PTPRD: variants seen among roughly 807,000 people sequenced by gnomAD.
PTPRD encodes the protein protein tyrosine phosphatase receptor type D.
Under a neutral mutation model 214.5 loss-of-function variants are expected in PTPRD, and 34 were observed. That is an observed-to-expected ratio of 0.16 (90% CI 0.12 to 0.21). PTPRD has a LOEUF of 0.21. Ranked by LOEUF, PTPRD falls within the 10% of genes least tolerant of loss-of-function variation. The pLI, the probability that PTPRD is intolerant of heterozygous loss-of-function variation, is 1.00. For synonymous variants in PTPRD, 1,128 were observed against 845.7 expected (o/e 1.33, Z -5.79); for missense variants, 2,545 against 2,398.7 (o/e 1.06, Z -1.27).
chr9:8,583,449 A>G (rs1486208725), intron 14 of PTPRD, among the ~76,000 whole-genome samples: 1 of 152,238 alleles, frequency 6.6e-6, no homozygotes, highest in Non-Finnish European at 1.5e-5. Flanking sequence ...CCTCCTGAGT[A>G]GCTAGGACAA....
intron 4 of PTPRD, among the ~76,000 whole-genome samples, chr9:9,990,490 G>T (rs1346499847): frequency 1.3e-5 from 2 of 152,184 alleles, no homozygotes; most frequent in African/African-American, 4.8e-5. Context: ...TAGCACCTGG[G>T]TGTGCCCATT....
chr9:9,040,172 T>C (rs1332107563), intron 10 of PTPRD, among the ~76,000 whole-genome samples: 1 of 152,208 alleles, frequency 6.6e-6, no homozygotes, highest in Non-Finnish European at 1.5e-5. Flanking sequence ...AACTCAAGTT[T>C]ATGCTTTCAC....
chr9:9,216,799 C>T lies in PTPRD; in HGVS notation c.-202-33436G>A, dbSNP rs749203828. On this transcript the variant is annotated intron_variant, in intron 9 of 45. Coordinates refer to ENST00000381196, the MANE Select transcript of PTPRD (RefSeq NM_002839.4). ...AGGGTTATTATAGACATTGATATAA[C>T]AAAATACTTCTTTGTAAAATCTATA... is the stretch of plus-strand genomic sequence containing the variant. Among the ~76,000 whole-genome samples the T allele has an allele frequency of 1.8e-4, 28 of 151,906 alleles. No individual in the cohort carries two copies. In the Middle Eastern group the frequency reaches 0.01, roughly 55 times the overall value.
chr9:9,157,944 C>G (rs1569555917), intron 10 of PTPRD, among the ~76,000 whole-genome samples: 1 of 152,144 alleles, frequency 6.6e-6, no homozygotes, highest in Non-Finnish European at 1.5e-5. Context: ...TCAGTCAGCT[C>G]CTACTTATAA....
chr9:9,571,806 A>G (rs2086521756), intron 8 of PTPRD, among the ~76,000 whole-genome samples: 1 of 151,130 alleles, frequency 6.6e-6, no homozygotes, highest in South Asian at 2.1e-4. Flanking sequence ...TCAATGTATT[A>G]ATATTTATGT....
intron 11 of PTPRD, among the ~76,000 whole-genome samples, chr9:8,942,080 A>G (rs897242725): frequency 1.3e-5 from 2 of 152,218 alleles, no homozygotes; most frequent in African/African-American, 4.8e-5. Context: ...TGCTGGAATT[A>G]CAGGCGTGAG....
chr9:9,610,338 T>G (rs888348922), intron 7 of PTPRD, among the ~76,000 whole-genome samples: 1 of 152,286 alleles, frequency 6.6e-6, no homozygotes, highest in Admixed American at 6.5e-5. Flanking sequence ...GATCACACAG[T>G]TGTAGGTAAA....
intron 12 of PTPRD, among the ~76,000 whole-genome samples, chr9:8,651,756 G>C (rs906496771): frequency 6.6e-6 from 1 of 151,350 alleles, no homozygotes. Flanking sequence ...GTTATGTTTT[G>C]GCCAATCTTT....
chr9:8,783,270 CATAA>C (rs2095810547), intron 11 of PTPRD, among the ~76,000 whole-genome samples: 1 of 152,102 alleles, frequency 6.6e-6, no homozygotes, highest in Non-Finnish European at 1.5e-5. Context: ...TGAATAATGA[CATAA>C]ATAGAGCACA....
intron 5 of PTPRD, among the ~76,000 whole-genome samples, chr9:9,876,096 T>C (rs11791059): frequency 0.28 from 42,949 of 151,948 alleles, 7,928 homozygotes; most frequent in Non-Finnish European, 0.42. Flanking sequence ...GGGCCATGCA[T>C]AGGCCAGTAA....
chr9:10,423,760 G>GA (rs1439299921), intron 2 of PTPRD, among the ~76,000 whole-genome samples: 1 of 151,882 alleles, frequency 6.6e-6, no homozygotes, highest in Non-Finnish European at 1.5e-5. Flanking sequence ...ACTCATACCG[G>GA]AAAAATCATA....
At chr9:9,341,768 G>A (rs969328912) in intron 9 of PTPRD, among the ~76,000 whole-genome samples, 2 of 151,928 alleles carry the variant, frequency 1.3e-5, no homozygotes, top group African/African-American at 4.8e-5. Flanking sequence ...TATGTAGACT[G>A]AAAGAATTCT....
chr9:8,890,083 TA>T (rs2098525796), intron 11 of PTPRD, among the ~76,000 whole-genome samples: 1 of 152,218 alleles, frequency 6.6e-6, no homozygotes, highest in South Asian at 2.1e-4. Context: ...TCCAGTAGTG[TA>T]AAAGTGTTCC....
At chr9:8,397,241 TG>T (rs1355223867) in intron 36 of PTPRD, among the ~76,000 whole-genome samples, 5 of 152,040 alleles carry the variant, frequency 3.3e-5, no homozygotes, top group Admixed American at 1.3e-4. Context: ...CACTAGTGAC[TG>T]GGAAAGAGAG....
At chr9:8,978,521 G>A (rs1288508000) in intron 11 of PTPRD, among the ~76,000 whole-genome samples, 4 of 151,982 alleles carry the variant, frequency 2.6e-5, no homozygotes, top group Non-Finnish European at 4.4e-5. Context: ...TGAGAAAGGC[G>A]CCCTCTTTAG....
At position 9,888,454 on chromosome 9, in the gene PTPRD, C is replaced by T. The variant is rs114036099; in HGVS notation, c.-368+50053G>A. ...TCATCTTCAGTGTTGGAGGTGGGGG[C>T]CTAATAGGTGGTGTTTGGGTCATGG... On this transcript the variant is annotated intron_variant, in intron 5 of 45. Transcript: ENST00000381196. 5.2e-3 allele frequency among the ~76,000 whole-genome samples: 784 copies of T among 152,048 alleles called. 8 individuals carry two copies. Among genetic ancestry groups the T allele is most frequent in the African/African-American group, 0.018 (757 of 41,454 alleles).
At chr9:9,374,869 A>G (rs552808588) in intron 9 of PTPRD, among the ~76,000 whole-genome samples, 18 of 152,320 alleles carry the variant, frequency 1.2e-4, no homozygotes, top group East Asian at 1.2e-3. Context: ...CATGAAAGAA[A>G]TTATTGTTAT....
At chr9:9,128,357 A>G (rs2099837314) in intron 10 of PTPRD, among the ~76,000 whole-genome samples, 1 of 152,248 alleles carries the variant, frequency 6.6e-6, no homozygotes, top group African/African-American at 2.4e-5. Context: ...AAACACATAT[A>G]CATGCACATA....
intron 8 of PTPRD, among the ~76,000 whole-genome samples, chr9:9,563,614 G>C (rs2083522939): frequency 6.6e-6 from 1 of 152,072 alleles, no homozygotes; most frequent in Non-Finnish European, 1.5e-5. Context: ...CAGGACAGCT[G>C]TTGATGCTTT....
Sources: gnomAD v4.1 joint callset for allele counts (sites outside exome capture counted in the v4.1 genomes callset) on GRCh38, gnomAD v4.1.1 for gene constraint, MANE v1.5 for transcripts, NCBI Gene and HGNC (gene_info 2026-07-23, HGNC 2026-07-21) for gene names.